OSGIN1: variants seen among roughly 807,000 people sequenced by gnomAD.
The protein encoded by OSGIN1 is oxidative stress-induced growth inhibitor 1.
In OSGIN1, 19 loss-of-function variants were observed where a neutral mutation model predicts 20.1. The ratio of observed to expected loss-of-function variants is 0.95; its 90% CI spans 0.66 to 1.39. The LOEUF is 1.39. OSGIN1 is among the 40% of genes most tolerant of loss of function. The probability of loss-of-function intolerance (pLI) is 0.00; values close to 1 mark genes in which losing one functional copy is unlikely to be tolerated. For synonymous variants in OSGIN1, 368 were observed against 297.8 expected (o/e 1.24, Z -2.43); for missense variants, 820 against 653.0 (o/e 1.26, Z -2.79).
In OSGIN1 at chr16:83,957,789, C is replaced by G. The variant is rs779148884; in HGVS notation, c.67+51C>G. 14 of 1,050,502 alleles carry G rather than the reference C, an allele frequency of 1.3e-5. No individual in the cohort carries two copies. The South Asian group carries it at 1.9e-4, about 14-fold the overall frequency. 65.1% of individuals were successfully genotyped at this position (1,050,502 alleles called of 1,614,324 possible). On this transcript the variant is annotated intron_variant, in intron 2 of 5. Transcript: ENST00000393306. ...GGGGCTCCGCTGAGCCTTCCGGGTA[C>G]CCCCCAGGTCTGAGGGCAGGAGCTG...
At chr16:83,963,743 G>T (rs253140) in intron 5 of OSGIN1, among the ~76,000 whole-genome samples, 36,193 of 152,012 alleles carry the variant, frequency 0.24, 5,452 homozygotes, top group African/African-American at 0.43. Flanking sequence ...GGATTCTCCC[G>T]TATGGGAGTT....
At chr16:83,963,791 C>G (rs1597183508) in intron 5 of OSGIN1, among the ~76,000 whole-genome samples, 1 of 150,696 alleles carries the variant, frequency 6.6e-6, no homozygotes, top group African/African-American at 2.4e-5. Flanking sequence ...GGTAGATTAA[C>G]TCATCTAAGG....
In OSGIN1 at chr16:83,959,255, C is replaced by A; in HGVS notation, c.68-5C>A. ...CCCCCTTTAACCTCCACCCTCTCTC[C>A]CCAGGTAACGGCCCCTCTGGTATCT... On this transcript the variant is annotated splice_region_variant and splice_polypyrimidine_tract_variant and intron_variant, in intron 2 of 5. Coordinates refer to ENST00000393306, the MANE Select transcript of OSGIN1 (RefSeq NM_182981.3). The A allele has an allele frequency of 6.2e-7, 1 of 1,613,124 alleles. No homozygotes were observed.
intron 1 of OSGIN1, chr16:83,954,523 A>C (rs1908834815): frequency 6.6e-6 from 1 of 152,336 alleles, no homozygotes; most frequent in South Asian, 2.1e-4. Context: ...AATTGAAATG[A>C]AACTTTTGAA....
At position 83,965,502 on chromosome 16, in the gene OSGIN1, C is replaced by A. The variant is rs138963538; in HGVS notation, c.929C>A (p.Pro310Gln). 1.9e-6 allele frequency: 3 copies of A among 1,611,654 alleles called. No individual in the cohort carries two copies. The highest frequency in any genetic ancestry group is 2.5e-6 in the Non-Finnish European group (3 of 1,179,994). ...CTCTACGCCCGCCACTACAACATCC[C>A]GGTGATCCATGCCTTCCGCCGGGCC... ...AVLYARHYNI[P>Q]VIHAFRRAVD... Residue 310 changes from proline to glutamine, a missense_variant, in exon 6 of 6, where the codon CCG (proline) becomes CAG (glutamine). By Grantham distance (76) the Pro-to-Gln change is moderately conservative (BLOSUM62 -1). Transcript: ENST00000393306.
chr16:83,957,584 G>C (rs1484306798), intron 1 of OSGIN1, 56 bp from the exon 2 acceptor site: 2 of 897,504 alleles, frequency 2.2e-6, no homozygotes, highest in African/African-American at 1.7e-5. Context: ...AAGTGGCTGT[G>C]TGGACACCCA....
Position 83,965,413 on chromosome 16 carries a change from G to A in OSGIN1, c.840G>A (p.Ala280=), listed in dbSNP as rs532832620. ...TGGAGGCCGCCACAAGGGTGGGTGCGGTGACCCCGGCCTCAGACCCTGTCC... is the reference window on the plus strand; with the variant it reads ...TGGAGGCCGCCACAAGGGTGGGTGCAGTGACCCCGGCCTCAGACCCTGTCC... The part of the protein sequence containing the change: ...SALEAATRVG[A]VTPASDPVLI... Residue 280 remains alanine, a synonymous_variant, in exon 6 of 6, where the codon GCG becomes GCA. Transcript: ENST00000393306. The A allele has an allele frequency of 3.0e-5, 48 of 1,578,468 alleles. No individual in the cohort carries two copies. The highest frequency in any genetic ancestry group is 2.4e-4 in the South Asian group (21 of 86,486).
chr16:83,965,093 G>T lies in OSGIN1; in HGVS notation c.520G>T (p.Asp174Tyr), dbSNP rs367764842. The change falls in exon 6 of 6, where the codon GAC becomes TAC. Residue 174 changes from aspartate (D) to tyrosine (Y), a missense_variant. Coordinates refer to ENST00000393306, the MANE Select transcript of OSGIN1 (RefSeq NM_182981.3). ...GLRNSRATAG[D>Y]IAHYYRDYVV... ...TCGCAACAGCCGGGCCACTGCCGGG[G>T]ACATCGCCCACTACTACAGGGACTA... is the stretch of plus-strand genomic sequence containing the variant. 6.2e-7 allele frequency: 1 copy of T among 1,607,184 alleles called. No homozygotes were observed. Among genetic ancestry groups the T allele is most frequent in the African/African-American group, 1.3e-5 (1 of 74,816 alleles).
At chr16:83,956,019 G>A (rs768490360) in intron 1 of OSGIN1, among the ~76,000 whole-genome samples, 13 of 152,188 alleles carry the variant, frequency 8.5e-5, no homozygotes, top group Admixed American at 4.6e-4. Context: ...CCTCACCCTC[G>A]GAGCCTCCTT....
At chr16:83,961,119 G>A (rs760074091) in intron 5 of OSGIN1, 47 bp downstream of exon 5, 2 of 1,446,522 alleles carry the variant, frequency 1.4e-6, no homozygotes, top group Non-Finnish European at 1.9e-6. Flanking sequence ...GGTTGGGCCT[G>A]TGAACCCAGA....
intron 1 of OSGIN1, among the ~76,000 whole-genome samples, chr16:83,955,736 CT>C (rs1425340892): frequency 6.6e-6 from 1 of 152,222 alleles, no homozygotes; most frequent in Non-Finnish European, 1.5e-5. Context: ...CAGCGTCCCC[CT>C]GAAATCTCCC....
chr16:83,957,768 C>T, intron 2 of OSGIN1, 30 bp downstream of exon 2: 1 of 1,337,640 alleles, frequency 7.5e-7, no homozygotes, highest in Non-Finnish European at 1.0e-6. Flanking sequence ...CAGGGAGGGG[C>T]TCCGCTGAGC....
chr16:83,956,617 T>A (rs1236018149), intron 1 of OSGIN1, among the ~76,000 whole-genome samples: 17 of 152,190 alleles, frequency 1.1e-4, no homozygotes, highest in Non-Finnish European at 2.9e-5. Context: ...TTGTGCGACC[T>A]CTCTGAGCCC....
Position 83,959,300 on chromosome 16 carries a change from C to A in OSGIN1, c.108C>A (p.Ser36=). ...GTATCTGCCTGTCCTACCTGCTCTC[C>A]GGCTACACACCCTACACGAAGCCAG... ...PSGICLSYLL[S]GYTPYTKPDA... Residue 36 remains serine (S), a synonymous_variant, in exon 3 of 6, where the codon TCC becomes TCA. Transcript: ENST00000393306. The A allele has an allele frequency of 6.2e-7, 1 of 1,613,712 alleles. No individual in the cohort carries two copies. The highest frequency in any genetic ancestry group is 8.5e-7 in the Non-Finnish European group (1 of 1,179,920).
chr16:83,965,946 AG>A lies in OSGIN1; in HGVS notation c.1379del (p.Gly460AlafsTer10). ...LAGDNFVRFV[Q>X]GGALAVASSL... ...GGGGACAACTTCGTGAGGTTTGTGC[AG>A]GGGGGCGCCTTGGCTGTGGCCAGCT... On this transcript the variant is annotated frameshift_variant, in exon 6 of 6. Coordinates refer to ENST00000393306, the MANE Select transcript of OSGIN1 (RefSeq NM_182981.3). LOFTEE classifies it high-confidence loss of function. 2 of 1,611,296 alleles carry A rather than the reference AG, an allele frequency of 1.2e-6. No individual in the cohort carries two copies. Among genetic ancestry groups the A allele is most frequent in the South Asian group, 1.1e-5 (1 of 90,944 alleles).
Position 83,965,945 on chromosome 16 carries a change from C to T in OSGIN1, c.1372C>T (p.Gln458Ter), listed in dbSNP as rs989697127. 5.6e-6 allele frequency: 9 copies of T among 1,611,012 alleles called. No homozygotes were observed. In the African/African-American group the frequency reaches 8.0e-5, roughly 14 times the overall value. Residue 458 changes from glutamine (Q) to a stop codon, truncating the protein, a stop_gained, in exon 6 of 6, where the codon CAG (glutamine) becomes TAG (stop). Transcript: ENST00000393306. LOFTEE classifies it high-confidence loss of function. Reference sequence around the variant, plus strand: ...CGGGGACAACTTCGTGAGGTTTGTGCAGGGGGGCGCCTTGGCTGTGGCCAG... The same window carrying T: ...CGGGGACAACTTCGTGAGGTTTGTGTAGGGGGGCGCCTTGGCTGTGGCCAG... ...LAGDNFVRFV[Q>*]GGALAVASSL...
chr16:83,964,602 C>T (rs1196256998), intron 5 of OSGIN1, among the ~76,000 whole-genome samples: 1 of 152,166 alleles, frequency 6.6e-6, no homozygotes, highest in African/African-American at 2.4e-5. Flanking sequence ...ATCATGGTGG[C>T]CTATCCTTAC....
chr16:83,956,174 G>T (rs1187648966), intron 1 of OSGIN1, among the ~76,000 whole-genome samples: 4 of 152,194 alleles, frequency 2.6e-5, no homozygotes, highest in Admixed American at 2.0e-4. Flanking sequence ...GCGACACATA[G>T]GTCCTCTCAG....
Position 83,959,314 on chromosome 16 carries a change from A to T in OSGIN1, c.122A>T (p.Tyr41Phe), listed in dbSNP as rs769740540. The T allele has an allele frequency of 3.1e-6, 5 of 1,613,488 alleles. No homozygotes were observed. Among genetic ancestry groups the T allele is most frequent in the Non-Finnish European group, 4.2e-6 (5 of 1,179,882 alleles). Residue 41 changes from tyrosine (Y) to phenylalanine (F), a missense_variant, in exon 3 of 6, where the codon TAC (tyrosine) becomes TTC (phenylalanine). Transcript: ENST00000393306. ...LSYLLSGYTP[Y>F]TKPDAIHPHP... is the part of the protein sequence containing the mutation. ...TACCTGCTCTCCGGCTACACACCCT[A>T]CACGAAGCCAGATGCCATCCACCCA...
Sources: gnomAD v4.1 joint callset for allele counts (sites outside exome capture counted in the v4.1 genomes callset) on GRCh38, gnomAD v4.1.1 for gene constraint, MANE v1.5 for transcripts, NCBI Gene and HGNC (gene_info 2026-07-23, HGNC 2026-07-21) for gene names.